Variants in PRH1 observed in about 807,000 individuals in gnomAD.
The protein encoded by PRH1 is salivary acidic proline-rich phosphoprotein 1/2.
In PRH1, 7 loss-of-function variants were observed where a neutral mutation model predicts 7.9. The observed-to-expected ratio is 0.89, with a 90% CI of 0.50 to 1.67. The LOEUF is 1.67. Ranked by LOEUF, PRH1 falls within the 40% of genes most tolerant of loss-of-function variation. The pLI, the probability that PRH1 is intolerant of heterozygous loss-of-function variation, is 0.00. For missense variants in PRH1, 109 were observed against 223.6 expected, an observed-to-expected ratio of 0.49 and a Z score of 3.27; for synonymous variants, 45 against 80.8, an observed-to-expected ratio of 0.56 and a Z score of 2.38.
chr12:11,114,520 G>A (rs1010438508), intron 1 of PRH1, among the ~76,000 whole-genome samples: 2 of 152,130 alleles, frequency 1.3e-5, no homozygotes, highest in Non-Finnish European at 2.9e-5. Context: ...GGTGAGGGGG[G>A]CTAGGGATAG....
At chr12:10,908,765 C>G (rs745787811) in intron 2 of PRH1, 1 of 1,613,726 alleles carries the variant, frequency 6.2e-7, no homozygotes, top group Admixed American at 1.7e-5. Context: ...TGAATTTGAC[C>G]GACACTGAAA....
chr12:10,884,349 C>G (rs762076253), upstream of PRH1: 110 of 1,085,174 alleles, frequency 1.0e-4, no homozygotes, highest in African/African-American at 9.0e-4. Flanking sequence ...CAGAGACTGG[C>G]TTCTGCTTTG....
chr12:11,083,350 A>ACT (rs1555160728), intron 1 of PRH1, among the ~76,000 whole-genome samples: 1 of 110,390 alleles, frequency 9.1e-6, no homozygotes, highest in African/African-American at 3.9e-5. Context: ...CCTTTTTTAA[A>ACT]TTAAAGAAAA....
chr12:10,931,881 A>G (rs1182692824), intron 2 of PRH1, among the ~76,000 whole-genome samples: 1 of 152,122 alleles, frequency 6.6e-6, no homozygotes, highest in South Asian at 2.1e-4. Context: ...TACTTAACCA[A>G]TCCTTGTCAC....
upstream of PRH1, chr12:11,048,894 T>C: frequency 7.4e-6 from 2 of 268,612 alleles, no homozygotes; most frequent in Non-Finnish European, 7.7e-6. Context: ...TCCTTTTCTT[T>C]AGGTGGAGAA....
At chr12:11,021,529 T>C in intron 1 of PRH1, 2 of 573,598 alleles carry the variant, frequency 3.5e-6, no homozygotes, top group Non-Finnish European at 5.8e-6. Flanking sequence ...TAGGTATCTG[T>C]TTTGAAATTA....
intron 2 of PRH1, among the ~76,000 whole-genome samples, chr12:10,971,034 T>C (rs11054119): frequency 0.25 from 36,980 of 148,212 alleles, 4,546 homozygotes; most frequent in Non-Finnish European, 0.26. Flanking sequence ...TTGTGGAACA[T>C]AGCATACAGA....
intron 1 of PRH1, among the ~76,000 whole-genome samples, chr12:11,167,467 T>C (rs1474905129): frequency 6.7e-6 from 1 of 149,724 alleles, no homozygotes; most frequent in African/African-American, 2.5e-5. Flanking sequence ...TTTTTTGATA[T>C]GGAGTCTCGC....
intron 1 of PRH1, among the ~76,000 whole-genome samples, chr12:11,060,177 C>T (rs924994504): frequency 1.3e-5 from 2 of 152,028 alleles, no homozygotes; most frequent in Non-Finnish European, 1.5e-5. Flanking sequence ...TAGCTGTGAA[C>T]AAGACTGTAC....
chr12:11,022,553 T>C (rs113542932), intron 1 of PRH1: 131 of 1,610,934 alleles, frequency 8.1e-5, no homozygotes, highest in Non-Finnish European at 1.1e-4. Flanking sequence ...GATGAAATGA[T>C]GAGCAGAAAA....
chr12:10,954,811 C>G lies in PRH1; in HGVS notation c.-59+18844G>C, dbSNP rs767070842. On this transcript the variant is annotated intron_variant, in intron 2 of 3. Transcript: ENST00000539853. ...TACTTTCATACAAAACTGTCTTTAA[C>G]CAGCAAAGATCAAGAAGAAACAGAA... is the stretch of plus-strand genomic sequence containing the variant. 1.6e-4 allele frequency among the ~76,000 whole-genome samples: 24 copies of G among 152,012 alleles called. 1 individual carries two copies. In the Middle Eastern group the frequency reaches 0.017, roughly 108 times the overall value.
chr12:11,158,521 G>A (rs2136447174), intron 1 of PRH1, among the ~76,000 whole-genome samples: 1 of 151,854 alleles, frequency 6.6e-6, no homozygotes, highest in Non-Finnish European at 1.5e-5. Context: ...CATTATAAAT[G>A]TTTATCTTTT....
intron 1 of PRH1, among the ~76,000 whole-genome samples, chr12:11,084,303 CT>C (rs1944608556): frequency 1.7e-4 from 22 of 128,264 alleles, no homozygotes; most frequent in Admixed American, 1.2e-3. Context: ...TGAGCACTTG[CT>C]TCCAACAGTT....
chr12:11,041,467 C>G (rs865993880), intron 1 of PRH1, among the ~76,000 whole-genome samples: 15 of 151,932 alleles, frequency 9.9e-5, no homozygotes, highest in Middle Eastern at 3.4e-3. Context: ...ACTGGAGCAC[C>G]CAGATATATA....
At chr12:11,044,900 T>C (rs1052214073) in intron 1 of PRH1, among the ~76,000 whole-genome samples, 20 of 152,150 alleles carry the variant, frequency 1.3e-4, no homozygotes, top group African/African-American at 4.6e-4. Context: ...CATTGAAAGT[T>C]TTCTTAAAAG....
intron 1 of PRH1, among the ~76,000 whole-genome samples, chr12:11,103,818 A>C (rs1945328256): frequency 6.6e-6 from 1 of 151,548 alleles, no homozygotes; most frequent in Admixed American, 6.6e-5. Context: ...TAGTGGCATT[A>C]CTGTTACTGT....
At chr12:10,947,486 A>G (rs1950506065) in intron 2 of PRH1, among the ~76,000 whole-genome samples, 1 of 151,694 alleles carries the variant, frequency 6.6e-6, no homozygotes. Flanking sequence ...TGCTTGGTAG[A>G]TTTTTCTCCA....
intron 1 of PRH1, among the ~76,000 whole-genome samples, chr12:11,086,419 T>C (rs796098196): frequency 0.4 from 45,416 of 112,768 alleles, 7,717 homozygotes; most frequent in Non-Finnish European, 0.5. Flanking sequence ...TTTTTGATTA[T>C]GAAATGGTTT....
At chr12:11,105,936 C>CTTT (rs765916131) in intron 1 of PRH1, among the ~76,000 whole-genome samples, 64 of 94,934 alleles carry the variant, frequency 6.7e-4, no homozygotes, top group East Asian at 9.9e-4. Flanking sequence ...ATAACTTATT[C>CTTT]TTTTTTTTTT....
Sources: allele counts gnomAD v4.1 joint callset (sites outside exome capture counted in the v4.1 genomes callset), GRCh38; gene constraint gnomAD v4.1.1; transcripts MANE v1.5; gene names NCBI Gene and HGNC (gene_info 2026-07-23, HGNC 2026-07-21).